The following SZT2 variants were observed in gnomAD, a reference collection of about 807,000 sequenced individuals.
The protein encoded by SZT2 is SZT2 subunit of KICSTOR complex.
Under a neutral mutation model 404.2 loss-of-function variants are expected in SZT2, and 216 were observed. That is an observed-to-expected ratio of 0.53 (90% CI 0.48 to 0.60). The LOEUF is 0.60. Among genes scored for constraint, SZT2 ranks in the 20% least tolerant of loss-of-function variants. The probability of loss-of-function intolerance (pLI) is 0.00; values close to 1 mark genes in which losing one functional copy is unlikely to be tolerated. For missense variants in SZT2, 3,857 were observed against 4,459.2 expected (o/e 0.86, Z 3.85); for synonymous variants, 1,693 against 1,749.9 (o/e 0.97, Z 0.81).
At chr1:43,407,685 A>G (rs1650482685) in intron 4 of SZT2, among the ~76,000 whole-genome samples, 1 of 152,154 alleles carries the variant, frequency 6.6e-6, no homozygotes, top group African/African-American at 2.4e-5. Context: ...TAATTCACAT[A>G]TATAATACAT....
intron 1 of SZT2, among the ~76,000 whole-genome samples, chr1:43,392,558 G>A (rs1190318089): frequency 1.3e-5 from 2 of 152,112 alleles, no homozygotes; most frequent in Non-Finnish European, 2.9e-5. Flanking sequence ...GGGACTACAG[G>A]CGCCTGCTAC....
rs1233667977 is a variant in SZT2 at position 43,437,966 on chromosome 1, C to T, written c.6508+64C>T. 15 of 1,505,314 alleles carry T rather than the reference C, an allele frequency of 1.0e-5. No homozygotes were observed. In the African/African-American group the frequency reaches 1.8e-4, roughly 18 times the overall value. The allele number at this position is 1,505,314 out of a possible 1,614,324, so 93.2% of individuals were successfully genotyped here. A position where few individuals can be genotyped will look rare whatever the true frequency, so the allele number is the denominator to read the frequency against. ...GGTTCCAGAATCCTCTGGGACTTCT[C>T]TTAGAACCTTGCAAGCATTACACTA... On this transcript the variant is annotated intron_variant, in intron 46 of 71. Transcript: ENST00000634258. This position sits in a 1 kb window ranked among gnomAD's most constrained non-coding sequence, Gnocchi z 5.3.
intron 13 of SZT2, 23 bp downstream of exon 13, chr1:43,422,655 ACC>A: frequency 9.1e-7 from 1 of 1,095,024 alleles, no homozygotes; most frequent in Non-Finnish European, 1.2e-6. Flanking sequence ...ATGTCCCTTC[ACC>A]CCCCGCCCCC....
intron 4 of SZT2, chr1:43,405,603 G>A (rs151115973): frequency 6.6e-6 from 1 of 152,194 alleles, no homozygotes; most frequent in African/African-American, 2.4e-5. Context: ...ATAAGATATT[G>A]GGAACATGAT....
At chr1:43,403,141 T>G (rs756627518) in intron 1 of SZT2, 36 bp from the exon 2 acceptor site, 1 of 1,609,560 alleles carries the variant, frequency 6.2e-7, no homozygotes, top group Non-Finnish European at 8.5e-7. Context: ...CTCGGTGCCA[T>G]TTTTTAAAGA....
chr1:43,396,873 A>G (rs1649057894), intron 1 of SZT2, among the ~76,000 whole-genome samples: 1 of 152,232 alleles, frequency 6.6e-6, no homozygotes, highest in African/African-American at 2.4e-5. Flanking sequence ...AAGCAAAGGA[A>G]AAACTCCAAA....
intron 42 of SZT2, chr1:43,436,229 C>G (rs1453350322): frequency 6.6e-6 from 1 of 152,202 alleles, no homozygotes; most frequent in East Asian, 1.9e-4. Flanking sequence ...ACATTCTCAG[C>G]AAGTCTGTAG....
At chr1:43,443,940 G>A (rs1655384086) in intron 62 of SZT2, 144 bp downstream of exon 62, 4 of 980,176 alleles carry the variant, frequency 4.1e-6, no homozygotes, top group Non-Finnish European at 6.0e-6. Context: ...TTGCACTCAT[G>A]TGAGGGTCTC....
chr1:43,431,916 A>C lies in SZT2; in HGVS notation c.5274+15A>C. 1 of 1,613,844 alleles carries C rather than the reference A, an allele frequency of 6.2e-7. No individual in the cohort carries two copies. The highest frequency in any genetic ancestry group is 1.7e-4 in the Middle Eastern group (1 of 5,976). ...AATTCAAGGAGGTAAGTTGCCCTCC[A>C]AACACTGCAGGGTCACCTTGGGGCC... On this transcript the variant is annotated intron_variant, in intron 36 of 71. Transcript: ENST00000634258.
At chr1:43,446,295 C>T (rs776791813) in intron 64 of SZT2, 36 bp downstream of exon 64, 32 of 1,613,872 alleles carry the variant, frequency 2.0e-5, no homozygotes, top group East Asian at 6.7e-5. Flanking sequence ...GACAGCCAGA[C>T]CCACCTGTCT....
Position 43,422,150 on chromosome 1 carries a change from T to C in SZT2, c.1694T>C (p.Val565Ala), listed in dbSNP as rs1652439273. The change falls in exon 12 of 72, where the codon GTG becomes GCG. Residue 565 changes from valine to alanine, a missense_variant. Coordinates refer to ENST00000634258, the MANE Select transcript of SZT2 (RefSeq NM_001365999.1). ...HAQFAAYWKP[V>A]LSMDANSWQR... ...CAGTTTGCTGCCTACTGGAAGCCAG[T>C]GCTGTCCATGGATGCAAATTCCTGG... 6.3e-7 allele frequency: 1 copy of C among 1,597,684 alleles called. No individual in the cohort carries two copies. The highest frequency in any genetic ancestry group is 8.5e-7 in the Non-Finnish European group (1 of 1,179,400).
rs757824879 is a variant in SZT2, at chr1:43,403,585, C to T, written c.154-16C>T. 1 of 1,604,172 alleles carries T rather than the reference C, an allele frequency of 6.2e-7. No homozygotes were observed. Among genetic ancestry groups the T allele is most frequent in the South Asian group, 1.1e-5 (1 of 90,910 alleles). On this transcript the variant is annotated splice_polypyrimidine_tract_variant and intron_variant, in intron 2 of 71. Coordinates refer to ENST00000634258, the MANE Select transcript of SZT2 (RefSeq NM_001365999.1). Reference sequence around the variant, plus strand: ...CTTCGCTGATCCTTTCCTTTTCTTTCCATCCTAATTTTCAGCTTCAGTCTG... The same window carrying T: ...CTTCGCTGATCCTTTCCTTTTCTTTTCATCCTAATTTTCAGCTTCAGTCTG...
At chr1:43,392,515 C>T (rs369902031) in intron 1 of SZT2, among the ~76,000 whole-genome samples, 3 of 151,650 alleles carry the variant, frequency 2.0e-5, no homozygotes, top group Non-Finnish European at 2.9e-5. Flanking sequence ...CCCGGGTTCA[C>T]GCCATTCTCC....
chr1:43,412,065 A>G (rs1570593246), intron 4 of SZT2: 1 of 152,226 alleles, frequency 6.6e-6, no homozygotes, highest in Non-Finnish European at 1.5e-5. Flanking sequence ...GGCGTGAGCC[A>G]CCACACCCGG....
intron 70 of SZT2, chr1:43,449,094 G>A (rs1174810818): frequency 2.7e-5 from 6 of 221,774 alleles, no homozygotes; most frequent in Admixed American, 2.6e-4. Flanking sequence ...ACCAGCAGCC[G>A]CAGCACCTGG....
At chr1:43,413,859 T>C (rs920709431) in intron 4 of SZT2, among the ~76,000 whole-genome samples, 1 of 151,920 alleles carries the variant, frequency 6.6e-6, no homozygotes, top group Non-Finnish European at 1.5e-5. Context: ...AAAATAGAGT[T>C]AGAAAGAATG....
At chr1:43,440,362 C>T in intron 51 of SZT2, 91 bp from the exon 52 acceptor site, 3 of 1,483,900 alleles carry the variant, frequency 2.0e-6, no homozygotes, top group Non-Finnish European at 2.7e-6. Context: ...GAATAGGTGG[C>T]AAGTCACTGT....
rs1259891553 is a variant in SZT2 at position 43,448,683 on chromosome 1, G to C, written c.10041G>C (p.Gln3347His). ...AAGTTCTCCTAAGCCGCTTCCCCCA[G>C]AGCTGTCGCCATTTCCAAAGCCCAG... is the stretch of plus-strand genomic sequence containing the variant. ...LIKVLLSRFP[Q>H]SCRHFQSPDL... The change falls in exon 70 of 72, where the codon CAG becomes CAC. Residue 3347 changes from glutamine (Q) to histidine (H), a missense_variant. Transcript: ENST00000634258. The surrounding 1 kb of genome is among the most constrained non-coding windows in gnomAD (Gnocchi z 4.2). 1.2e-6 allele frequency: 2 copies of C among 1,614,162 alleles called. No individual in the cohort carries two copies. Among genetic ancestry groups the C allele is most frequent in the Non-Finnish European group, 1.7e-6 (2 of 1,180,026 alleles).
In SZT2 at chr1:43,442,498, G is replaced by A. The variant is rs138303356; in HGVS notation, c.8031G>A (p.Ala2677=). Residue 2677 remains alanine (A), a synonymous_variant, in exon 58 of 72, where the codon GCG becomes GCA. Coordinates refer to ENST00000634258, the MANE Select transcript of SZT2 (RefSeq NM_001365999.1). This position sits in a 1 kb window ranked among gnomAD's most constrained non-coding sequence, Gnocchi z 4.5. The part of the protein sequence containing the change: ...APDLGAALGR[A]LVRLVQWQNA... ...ACCTGGGGGCAGCATTGGGCCGAGC[G>A]CTGGTTCGCCTGGTGCAGTGGCAGA... is the stretch of plus-strand genomic sequence containing the variant. 437 of 1,614,050 alleles carry A rather than the reference G, an allele frequency of 2.7e-4. No individual in the cohort carries two copies. Among genetic ancestry groups the A allele is most frequent in the Non-Finnish European group, 3.4e-4 (402 of 1,180,020 alleles).
Sources: allele counts gnomAD v4.1 joint callset (sites outside exome capture counted in the v4.1 genomes callset), GRCh38; gene constraint gnomAD v4.1.1; non-coding constraint Gnocchi (gnomAD v3.1); transcripts MANE v1.5; gene names NCBI Gene and HGNC (gene_info 2026-07-23, HGNC 2026-07-21).